The following CCSER1 variants were observed in gnomAD, a reference collection of about 807,000 sequenced individuals.
The protein encoded by CCSER1 is serine-rich coiled-coil domain-containing protein 1.
A neutral mutation model predicts 82.0 loss-of-function variants in CCSER1; 41 were observed. The ratio of observed to expected loss-of-function variants is 0.50; its 90% CI spans 0.39 to 0.65. CCSER1 has a LOEUF of 0.65. CCSER1 is among the 30% of genes least tolerant of loss of function. CCSER1 has a pLI of 0.00. For synonymous variants in CCSER1, 414 were observed against 383.9 expected (o/e 1.08, Z -0.92); for missense variants, 1,119 against 1,064.2 (o/e 1.05, Z -0.72).
chr4:91,516,299 T>A (rs969034337), intron 10 of CCSER1, among the ~76,000 whole-genome samples: 27 of 152,138 alleles, frequency 1.8e-4, no homozygotes, highest in Non-Finnish European at 3.5e-4. Context: ...TATATCCAGA[T>A]GGTATTTCCT....
At chr4:91,170,722 A>G (rs1162118563) in intron 10 of CCSER1, among the ~76,000 whole-genome samples, 1 of 152,336 alleles carries the variant, frequency 6.6e-6, no homozygotes, top group African/African-American at 2.4e-5. Context: ...AATGACCTTT[A>G]TTAGTGAGTT....
chr4:90,537,644 G>C (rs1775578511), intron 5 of CCSER1, among the ~76,000 whole-genome samples: 1 of 152,144 alleles, frequency 6.6e-6, no homozygotes, highest in South Asian at 2.1e-4. Flanking sequence ...GGAATTATCA[G>C]TTGGTATGTG....
intron 10 of CCSER1, among the ~76,000 whole-genome samples, chr4:91,461,528 A>G (rs1341265888): frequency 6.6e-6 from 1 of 152,168 alleles, no homozygotes; most frequent in Non-Finnish European, 1.5e-5. Context: ...GTGCATTGTC[A>G]AACCCCTTAC....
At chr4:90,469,133 A>G (rs1404061128) in intron 5 of CCSER1, among the ~76,000 whole-genome samples, 6 of 152,084 alleles carry the variant, frequency 3.9e-5, no homozygotes, top group Non-Finnish European at 5.9e-5. Flanking sequence ...CCGTAGGAGT[A>G]AGGCGGAAGA....
At chr4:90,700,397 A>G (rs1239486793) in intron 6 of CCSER1, among the ~76,000 whole-genome samples, 2 of 152,210 alleles carry the variant, frequency 1.3e-5, no homozygotes, top group Non-Finnish European at 2.9e-5. Flanking sequence ...ATTGATGGAC[A>G]TTTGGGTTGG....
chr4:90,203,337 T>C (rs1276296838), intron 1 of CCSER1, among the ~76,000 whole-genome samples: 1 of 152,212 alleles, frequency 6.6e-6, no homozygotes. Context: ...CCTAATGCTA[T>C]CCCTCTCCTA....
chr4:91,542,399 T>G (rs1761651526), intron 10 of CCSER1, among the ~76,000 whole-genome samples: 1 of 152,160 alleles, frequency 6.6e-6, no homozygotes, highest in African/African-American at 2.4e-5. Context: ...TTGAATTAAT[T>G]TTTGTATTAG....
chr4:90,239,696 C>G (rs78151251), intron 1 of CCSER1, among the ~76,000 whole-genome samples: 3 of 152,134 alleles, frequency 2.0e-5, no homozygotes, highest in South Asian at 4.2e-4. Context: ...TCAGTCTAAT[C>G]TCGAACGCCT....
chr4:91,055,110 T>C (rs1390345460), intron 9 of CCSER1, among the ~76,000 whole-genome samples: 2 of 152,150 alleles, frequency 1.3e-5, no homozygotes, highest in Non-Finnish European at 2.9e-5. Context: ...TTTTATAATG[T>C]TTTTATTCCT....
intron 10 of CCSER1, among the ~76,000 whole-genome samples, chr4:91,157,864 T>G (rs986524963): frequency 1.3e-5 from 2 of 152,034 alleles, no homozygotes; most frequent in Admixed American, 6.5e-5. Context: ...TTCTTATGTT[T>G]AGTAGAGAAT....
At chr4:90,266,111 T>C (rs1725184846) in intron 1 of CCSER1, among the ~76,000 whole-genome samples, 1 of 152,174 alleles carries the variant, frequency 6.6e-6, no homozygotes, top group Admixed American at 6.5e-5. Context: ...CTGTTATAAA[T>C]ATTATAATTA....
intron 9 of CCSER1, among the ~76,000 whole-genome samples, chr4:91,076,180 G>C (rs1156897684): frequency 6.6e-6 from 1 of 151,980 alleles, no homozygotes; most frequent in Non-Finnish European, 1.5e-5. Context: ...TCAAATTCTT[G>C]TCATCAGATA....
intron 10 of CCSER1, among the ~76,000 whole-genome samples, chr4:91,354,823 G>T (rs2149304324): frequency 6.6e-6 from 1 of 152,250 alleles, no homozygotes; most frequent in East Asian, 1.9e-4. Flanking sequence ...TGGGCTACAT[G>T]CTCGGCTAAT....
intron 1 of CCSER1, among the ~76,000 whole-genome samples, chr4:90,180,516 G>A (rs1733542617): frequency 6.6e-6 from 1 of 151,992 alleles, no homozygotes; most frequent in Non-Finnish European, 1.5e-5. Context: ...TTGAACCTGG[G>A]AAGCAGAGGT....
At chr4:90,470,789 C>T (rs76463555) in intron 5 of CCSER1, among the ~76,000 whole-genome samples, 1,479 of 129,212 alleles carry the variant, frequency 0.011, 22 homozygotes, top group African/African-American at 0.039. Context: ...AAACAAAACA[C>T]CCAGATTTGA....
intron 10 of CCSER1, chr4:91,325,116 T>G: frequency 2.2e-6 from 1 of 454,840 alleles, no homozygotes; most frequent in Non-Finnish European, 4.4e-6. Flanking sequence ...GGGAGTACCT[T>G]ATTTCTAATT....
intron 10 of CCSER1, among the ~76,000 whole-genome samples, chr4:91,528,523 C>T (rs1420512287): frequency 6.6e-6 from 1 of 152,020 alleles, no homozygotes; most frequent in African/African-American, 2.4e-5. Context: ...TATACATTTC[C>T]TCGGGACTAC....
intron 5 of CCSER1, among the ~76,000 whole-genome samples, chr4:90,488,825 C>G (rs1262864492): frequency 6.6e-6 from 1 of 151,824 alleles, no homozygotes; most frequent in Non-Finnish European, 1.5e-5. Context: ...GTTGATTTTC[C>G]CTGAAGTCTT....
chr4:90,667,078 A>C (rs1731932133), intron 6 of CCSER1, among the ~76,000 whole-genome samples: 1 of 152,178 alleles, frequency 6.6e-6, no homozygotes, highest in African/African-American at 2.4e-5. Flanking sequence ...CACCGAATCG[A>C]CTTCAGGTTC....
Sources: gnomAD v4.1 joint callset for allele counts (sites outside exome capture counted in the v4.1 genomes callset) on GRCh38, gnomAD v4.1.1 for gene constraint, MANE v1.5 for transcripts, NCBI Gene and HGNC (gene_info 2026-07-23, HGNC 2026-07-21) for gene names.